Variants in ARFGEF3 observed in about 807,000 individuals in gnomAD.
The protein encoded by ARFGEF3 is ARFGEF family member 3, also known as brefeldin A-inhibited guanine nucleotide-exchange protein 3.
A neutral mutation model predicts 221.7 loss-of-function variants in ARFGEF3; 96 were observed. The ratio of observed to expected loss-of-function variants is 0.43; its 90% CI spans 0.37 to 0.51. ARFGEF3 has a LOEUF of 0.51. Among genes scored for constraint, ARFGEF3 ranks in the 20% least tolerant of loss-of-function variants. The pLI is 0.00. For synonymous variants in ARFGEF3, 1,145 were observed against 1,126.8 expected, an observed-to-expected ratio of 1.02 and a Z score of -0.32; for missense variants, 2,410 against 2,789.9, an observed-to-expected ratio of 0.86 and a Z score of 3.07.
Position 138,266,567 on chromosome 6 carries a change from C to T in ARFGEF3, c.2128+2956C>T, listed in dbSNP as rs541927090. ...TGGTCTCTTAAGATGTGCCATAGTT[C>T]GGCTGGGTGCGGTGGCTCACACCTG... is the stretch of plus-strand genomic sequence containing the variant. On this transcript the variant is annotated intron_variant, in intron 12 of 33. Transcript: ENST00000251691. 2.7e-3 allele frequency among the ~76,000 whole-genome samples: 415 copies of T among 151,938 alleles called. 1 individual carries two copies. The highest frequency in any genetic ancestry group is 9.8e-3 in the African/African-American group (406 of 41,448).
chr6:138,293,355 G>A (rs1005305446), intron 19 of ARFGEF3, among the ~76,000 whole-genome samples: 5 of 152,118 alleles, frequency 3.3e-5, no homozygotes, highest in Admixed American at 6.5e-5. Flanking sequence ...TGTGCTCCCC[G>A]CCTTCCTAAA....
intron 2 of ARFGEF3, among the ~76,000 whole-genome samples, chr6:138,202,005 A>G (rs1248908852): frequency 6.6e-6 from 1 of 152,188 alleles, no homozygotes; most frequent in East Asian, 1.9e-4. Flanking sequence ...CCTTGACATG[A>G]CCAGATGCAG....
At chr6:138,206,362 T>C (rs1777625265) in intron 2 of ARFGEF3, among the ~76,000 whole-genome samples, 1 of 151,224 alleles carries the variant, frequency 6.6e-6, no homozygotes, top group African/African-American at 2.4e-5. Flanking sequence ...TTTTTTTGTC[T>C]CTCCCCTGAC....
Position 138,321,166 on chromosome 6 carries a change from G to C in ARFGEF3, c.4707G>C (p.Leu1569=), listed in dbSNP as rs779277929. The change falls in exon 29 of 34, where the codon CTG becomes CTC. Residue 1569 remains leucine, a synonymous_variant. Coordinates refer to ENST00000251691, the MANE Select transcript of ARFGEF3 (RefSeq NM_020340.5). Reference sequence around the variant, plus strand: ...TGCTGAAGGACCTCTTTGAGTTGCTGGTCGCCTGTGTGGCCAAGCCCACTG... The same window carrying C: ...TGCTGAAGGACCTCTTTGAGTTGCTCGTCGCCTGTGTGGCCAAGCCCACTG... ...NTMLKDLFEL[L]VACVAKPTET... 1 of 1,564,742 alleles carries C rather than the reference G, an allele frequency of 6.4e-7. No homozygotes were observed. The highest frequency in any genetic ancestry group is 1.4e-5 in the African/African-American group (1 of 73,782).
rs1273746402 is a variant in ARFGEF3 at position 138,338,765 on chromosome 6, A to G, written c.*2279A>G. 1 of 149,926 alleles carries G rather than the reference A, an allele frequency of 6.7e-6. No individual in the cohort carries two copies. The highest frequency in any genetic ancestry group is 1.5e-5 in the Non-Finnish European group (1 of 67,832). The allele number at this position is 149,926 out of a possible 1,614,324, so 9.3% of individuals were successfully genotyped here. A position where few individuals can be genotyped will look rare whatever the true frequency, so the allele number is the denominator to read the frequency against. On this transcript the variant is annotated 3_prime_UTR_variant, in exon 34 of 34. Transcript: ENST00000251691. ...CAGTGAGCCAAGATTGCACCATTGC[A>G]CTCCAGACTGGGTGACAAGAGTGAA...
intron 4 of ARFGEF3, among the ~76,000 whole-genome samples, chr6:138,222,786 G>A (rs80220402): frequency 0.012 from 1,837 of 152,246 alleles, 38 homozygotes; most frequent in African/African-American, 0.042. Flanking sequence ...AAATTGTGTA[G>A]TGGTAAAGTA....
At chr6:138,274,340 T>C (rs1206440163) in intron 12 of ARFGEF3, among the ~76,000 whole-genome samples, 3 of 152,220 alleles carry the variant, frequency 2.0e-5, no homozygotes, top group Non-Finnish European at 4.4e-5. Context: ...GGAAGGAGAC[T>C]GGTCTTGTGC....
At chr6:138,245,489 C>G (rs775890893) in intron 7 of ARFGEF3, 24 bp from the exon 8 acceptor site, 6 of 1,573,104 alleles carry the variant, frequency 3.8e-6, no homozygotes, top group Middle Eastern at 1.7e-4. Context: ...ATGTCTCATG[C>G]CTGTAACCTC....
intron 23 of ARFGEF3, 115 bp from the exon 24 acceptor site, chr6:138,308,624 C>T: frequency 8.7e-7 from 1 of 1,155,344 alleles, no homozygotes; most frequent in Non-Finnish European, 1.3e-6. Context: ...GGCATCTCCC[C>T]AGTAGATCTT....
chr6:138,250,058 A>G (rs1778553234), intron 8 of ARFGEF3, among the ~76,000 whole-genome samples: 1 of 152,188 alleles, frequency 6.6e-6, no homozygotes, highest in Non-Finnish European at 1.5e-5. Flanking sequence ...TCTATTAGCT[A>G]AACTGGATGC....
chr6:138,172,600 G>A (rs1216865153), intron 2 of ARFGEF3, among the ~76,000 whole-genome samples: 1 of 152,170 alleles, frequency 6.6e-6, no homozygotes, highest in Non-Finnish European at 1.5e-5. Context: ...TATTGAAGGA[G>A]CTATAAGATG....
chr6:138,221,788 C>T (rs1014614199), intron 4 of ARFGEF3, among the ~76,000 whole-genome samples: 9 of 152,038 alleles, frequency 5.9e-5, no homozygotes, highest in Non-Finnish European at 1.0e-4. Flanking sequence ...CAGAAAAGAA[C>T]CCGTGACATG....
intron 2 of ARFGEF3, among the ~76,000 whole-genome samples, chr6:138,196,136 G>A (rs1562349530): frequency 6.6e-6 from 1 of 152,172 alleles, no homozygotes; most frequent in Non-Finnish European, 1.5e-5. Flanking sequence ...TGAGCTCAGG[G>A]GTCTGGTGCC....
At chr6:138,322,401 C>T (rs1199612655) in intron 29 of ARFGEF3, among the ~76,000 whole-genome samples, 1 of 152,152 alleles carries the variant, frequency 6.6e-6, no homozygotes, top group Non-Finnish European at 1.5e-5. Flanking sequence ...GGGGTCCCTC[C>T]CACAACACAT....
At chr6:138,306,132 T>A (rs6570221) in intron 22 of ARFGEF3, among the ~76,000 whole-genome samples, 31,175 of 151,770 alleles carry the variant, frequency 0.21, 3,523 homozygotes, top group East Asian at 0.45. Context: ...GTCACTGCAT[T>A]CAAGATCAAC....
Position 138,334,653 on chromosome 6 carries a change from C to T in ARFGEF3, c.5807C>T (p.Pro1936Leu), listed in dbSNP as rs1282234892. Residue 1936 changes from proline to leucine, a missense_variant, in exon 33 of 34, where the codon CCG becomes CTG. Pro to Leu is a moderately conservative substitution (Grantham distance 98, BLOSUM62 -3). This residue lies in a region of ARFGEF3 where 339 missense variants were observed against 334.9 expected (regional missense o/e 1.01). Transcript: ENST00000251691. This position sits in a 1 kb window ranked among gnomAD's most constrained non-coding sequence, Gnocchi z 5.1. Reference protein sequence around the residue: ...MEEPPIFKGDPFFILPSFQSE... With the variant: ...MEEPPIFKGDLFFILPSFQSE... ...GAGCCTCCCATCTTCAAGGGCGACC[C>T]GTTCTTCATCCTGCCCTCCTTCCAG... is the stretch of plus-strand genomic sequence containing the variant. 3.1e-6 allele frequency: 5 copies of T among 1,613,400 alleles called. No individual in the cohort carries two copies. The African/African-American group carries it at 5.3e-5, about 17-fold the overall frequency.
At chr6:138,313,013 A>C (rs1426198149) in intron 25 of ARFGEF3, among the ~76,000 whole-genome samples, 1 of 152,120 alleles carries the variant, frequency 6.6e-6, no homozygotes, top group Non-Finnish European at 1.5e-5. Flanking sequence ...CCCAGCCTTC[A>C]CTATTTCTAG....
Position 138,328,102 on chromosome 6 carries a change from C to G in ARFGEF3, c.5083C>G (p.Leu1695Val). Residue 1695 changes from leucine to valine, a missense_variant, in exon 32 of 34, where the codon CTG (leucine) becomes GTG (valine). Leu to Val is a conservative substitution (Grantham distance 32). Coordinates refer to ENST00000251691, the MANE Select transcript of ARFGEF3 (RefSeq NM_020340.5). ...TCAGTCCTGCCAGCTCATTATTGAG[C>G]TGCCTCCTGATGAAAAACCAAATGG... Reference protein sequence around the residue: ...HAQSCQLIIELPPDEKPNGHT... With the variant: ...HAQSCQLIIEVPPDEKPNGHT... 1 of 1,585,372 alleles carries G rather than the reference C, an allele frequency of 6.3e-7. No homozygotes were observed.
At chr6:138,304,852 G>A (rs938492385) in intron 22 of ARFGEF3, among the ~76,000 whole-genome samples, 1 of 152,126 alleles carries the variant, frequency 6.6e-6, no homozygotes, top group South Asian at 2.1e-4. Context: ...AATGTGATTA[G>A]TATTTGTCAC....
Sources: gnomAD v4.1 joint callset for allele counts (sites outside exome capture counted in the v4.1 genomes callset) on GRCh38, gnomAD v4.1.1 for gene constraint, gnomAD v4.1.1 regional missense constraint, Gnocchi (gnomAD v3.1) non-coding constraint, MANE v1.5 for transcripts, NCBI Gene and HGNC (gene_info 2026-07-23, HGNC 2026-07-21) for gene names.